The following MICU1 variants were observed in gnomAD, a reference collection of about 807,000 sequenced individuals.
The protein encoded by MICU1 is mitochondrial calcium uptake 1.
A neutral mutation model predicts 56.8 loss-of-function variants in MICU1; 45 were observed. The ratio of observed to expected loss-of-function variants is 0.79; its 90% CI spans 0.62 to 1.02. The LOEUF (loss-of-function observed/expected upper bound fraction) is 1.02, where lower values mean the gene tolerates loss of function less well. Among genes scored for constraint, MICU1 ranks in the 50% least tolerant of loss-of-function variants. The probability of loss-of-function intolerance (pLI) is 0.00; values close to 1 mark genes in which losing one functional copy is unlikely to be tolerated. For missense variants in MICU1, 504 were observed against 587.1 expected, an observed-to-expected ratio of 0.86 and a Z score of 1.46; for synonymous variants, 186 against 195.1, an observed-to-expected ratio of 0.95 and a Z score of 0.39.
chr10:72,477,499 G>C (rs2132273510), intron 6 of MICU1: 5 of 1,535,004 alleles, frequency 3.3e-6, no homozygotes, highest in Non-Finnish European at 4.4e-6. Context: ...CTACCTTTTT[G>C]TTTCAACATG....
At chr10:72,510,689 G>A (rs966549494) in intron 5 of MICU1, among the ~76,000 whole-genome samples, 1 of 151,038 alleles carries the variant, frequency 6.6e-6, no homozygotes, top group African/African-American at 2.5e-5. Flanking sequence ...TGTCACCCAG[G>A]CTGGAATGCA....
At chr10:72,410,705 G>A (rs1001195691) in intron 9 of MICU1, among the ~76,000 whole-genome samples, 19 of 152,324 alleles carry the variant, frequency 1.2e-4, no homozygotes, top group African/African-American at 4.3e-4. Flanking sequence ...TTTGGTAGTG[G>A]ACTGGAAGGC....
chr10:72,613,559 G>A (rs1013674953), intron 1 of MICU1, among the ~76,000 whole-genome samples: 1 of 151,712 alleles, frequency 6.6e-6, no homozygotes, highest in Non-Finnish European at 1.5e-5. Flanking sequence ...TTATGAGCAT[G>A]AGCCACCACA....
At chr10:72,447,900 C>A (rs1329493759) in intron 8 of MICU1, among the ~76,000 whole-genome samples, 1 of 152,036 alleles carries the variant, frequency 6.6e-6, no homozygotes, top group Non-Finnish European at 1.5e-5. Flanking sequence ...TTTCTGCCTA[C>A]ACTAAAAACC....
intron 10 of MICU1, among the ~76,000 whole-genome samples, chr10:72,400,996 G>A (rs1863436598): frequency 6.6e-6 from 1 of 151,892 alleles, no homozygotes; most frequent in Non-Finnish European, 1.5e-5. Flanking sequence ...ATGAGGTCTT[G>A]CTAGGTTGCA....
At chr10:72,376,047 T>C (rs1862508417) in intron 10 of MICU1, among the ~76,000 whole-genome samples, 175 bp from the exon 11 acceptor site, 1 of 152,138 alleles carries the variant, frequency 6.6e-6, no homozygotes, top group South Asian at 2.1e-4. Context: ...TTCCAGCACT[T>C]TGGGAGGCCG....
chr10:72,461,209 A>G (rs1057197720), intron 8 of MICU1, among the ~76,000 whole-genome samples: 3 of 152,172 alleles, frequency 2.0e-5, no homozygotes, highest in African/African-American at 7.2e-5. Flanking sequence ...CGATCTATCA[A>G]TTTAAGCCTG....
At chr10:72,566,196 C>T (rs901274126) in intron 2 of MICU1, among the ~76,000 whole-genome samples, 1 of 151,996 alleles carries the variant, frequency 6.6e-6, no homozygotes, top group Non-Finnish European at 1.5e-5. Flanking sequence ...TACAGGCTCA[C>T]GCCCTGTGTC....
At chr10:72,598,521 G>T (rs1841438845) in intron 1 of MICU1, among the ~76,000 whole-genome samples, 2 of 152,156 alleles carry the variant, frequency 1.3e-5, no homozygotes, top group African/African-American at 4.8e-5. Flanking sequence ...CTTCCAAAGT[G>T]CTAGGATTAC....
chr10:72,606,895 G>A (rs1000469058), intron 1 of MICU1, among the ~76,000 whole-genome samples: 1 of 152,134 alleles, frequency 6.6e-6, no homozygotes, highest in African/African-American at 2.4e-5. Flanking sequence ...CCTACATAAT[G>A]AAGTCTCCAT....
Position 72,421,002 on chromosome 10 carries a change from CAA to C in MICU1, c.1071+2230_1071+2231del, listed in dbSNP as rs34221911. Among the ~76,000 whole-genome samples the C allele has an allele frequency of 1.2e-3, 128 of 108,634 alleles. 1 individual carries two copies. In the South Asian group the frequency reaches 0.017, roughly 14 times the overall value. 71.3% of individuals were successfully genotyped at this position (108,634 alleles called of 152,430 possible). On this transcript the variant is annotated intron_variant, in intron 9 of 11. Coordinates refer to ENST00000361114, the MANE Select transcript of MICU1 (RefSeq NM_001195518.2). ...GGGCAACAAGAGCGAAACTCCGTCT[CAA>C]AAAAAAAAAAAAAATAATAATAATA... is the stretch of plus-strand genomic sequence containing the variant.
chr10:72,509,324 A>G, intron 5 of MICU1: 1 of 1,212,768 alleles, frequency 8.2e-7, no homozygotes, highest in South Asian at 1.2e-5. Flanking sequence ...TAACTTCAAG[A>G]GGAGTATGAT....
At chr10:72,596,596 T>TA (rs1425720943) in intron 1 of MICU1, among the ~76,000 whole-genome samples, 2 of 151,968 alleles carry the variant, frequency 1.3e-5, no homozygotes, top group Non-Finnish European at 2.9e-5. Flanking sequence ...CAGGGCCAGG[T>TA]ACAGTGGCTC....
chr10:72,494,015 G>A (rs1299331448), intron 6 of MICU1, among the ~76,000 whole-genome samples: 1 of 152,128 alleles, frequency 6.6e-6, no homozygotes, highest in African/African-American at 2.4e-5. Flanking sequence ...GTAGTGAAAC[G>A]AGAGGAGGAA....
At chr10:72,566,198 C>T (rs189011697) in intron 2 of MICU1, among the ~76,000 whole-genome samples, 7 of 152,142 alleles carry the variant, frequency 4.6e-5, no homozygotes, top group Middle Eastern at 6.8e-3. Flanking sequence ...CAGGCTCACG[C>T]CCTGTGTCTG....
At chr10:72,408,075 T>C in intron 9 of MICU1, 38 bp from the exon 10 acceptor site, 1 of 1,418,714 alleles carries the variant, frequency 7.0e-7, no homozygotes, top group East Asian at 2.3e-5. Context: ...GCAGGACCTG[T>C]AACAAAAAGC....
chr10:72,422,502 T>A (rs975284158), intron 9 of MICU1, among the ~76,000 whole-genome samples: 2 of 152,204 alleles, frequency 1.3e-5, no homozygotes, highest in African/African-American at 4.8e-5. Context: ...TCTCTGCTTC[T>A]GTACTTTTCA....
chr10:72,544,300 G>T (rs1467002006), intron 4 of MICU1, among the ~76,000 whole-genome samples: 1 of 152,148 alleles, frequency 6.6e-6, no homozygotes, highest in African/African-American at 2.4e-5. Flanking sequence ...GAAGCTCCCG[G>T]CCGAATAAAG....
At chr10:72,593,323 G>C (rs1589374268) in intron 1 of MICU1, among the ~76,000 whole-genome samples, 1 of 152,048 alleles carries the variant, frequency 6.6e-6, no homozygotes, top group East Asian at 1.9e-4. Flanking sequence ...AAAGCAGCCA[G>C]GCGTGGTGGC....
Sources: allele counts gnomAD v4.1 joint callset (sites outside exome capture counted in the v4.1 genomes callset), GRCh38; gene constraint gnomAD v4.1.1; transcripts MANE v1.5; gene names NCBI Gene and HGNC (gene_info 2026-07-23, HGNC 2026-07-21).